Variants in ADAM9 observed in about 807,000 individuals in gnomAD.
The protein encoded by ADAM9 is disintegrin and metalloproteinase domain-containing protein 9.
In ADAM9, 54 loss-of-function variants were observed where a neutral mutation model predicts 108.1. The ratio of observed to expected loss-of-function variants is 0.50; its 90% CI spans 0.40 to 0.63. The LOEUF (loss-of-function observed/expected upper bound fraction) is 0.63. ADAM9 is among the 20% of genes least tolerant of loss of function. The pLI, the probability that ADAM9 is intolerant of heterozygous loss-of-function variation, is 0.00. For synonymous variants in ADAM9, 316 were observed against 336.0 expected, an observed-to-expected ratio of 0.94 and a Z score of 0.65; for missense variants, 830 against 997.7, an observed-to-expected ratio of 0.83 and a Z score of 2.26.
intron 7 of ADAM9, among the ~76,000 whole-genome samples, chr8:39,019,419 A>C (rs544205953): frequency 6.6e-6 from 1 of 152,210 alleles, no homozygotes; most frequent in Non-Finnish European, 1.5e-5. Flanking sequence ...TTCCTTATTT[A>C]TACTTAAGAA....
intron 6 of ADAM9, among the ~76,000 whole-genome samples, chr8:39,017,993 C>G (rs148635473): frequency 6.6e-6 from 1 of 152,306 alleles, no homozygotes; most frequent in Non-Finnish European, 1.5e-5. Context: ...AACTTAATGA[C>G]TTCAGATGTG....
chr8:39,004,988 A>G (rs1411973070), intron 1 of ADAM9, among the ~76,000 whole-genome samples: 1 of 152,162 alleles, frequency 6.6e-6, no homozygotes, highest in Non-Finnish European at 1.5e-5. Flanking sequence ...TCTGTGACTA[A>G]GAATGCCTAA....
intron 2 of ADAM9, among the ~76,000 whole-genome samples, chr8:39,009,359 C>T (rs1339809355): frequency 6.6e-6 from 1 of 152,224 alleles, no homozygotes; most frequent in African/African-American, 2.4e-5. Flanking sequence ...CGTGCCTCTG[C>T]CTCCTGAGTA....
rs146208883 is a variant in ADAM9, at chr8:39,045,570, G to GTATATATATATA, written c.1302+3460_1302+3471dup. On this transcript the variant is annotated intron_variant, in intron 12 of 21. Coordinates refer to ENST00000487273, the MANE Select transcript of ADAM9 (RefSeq NM_003816.3). ...TGTGTGTGTGTATATGTGTGTGTGTGTATATATATATATATATAAAAGATT... is the reference window on the plus strand; with the variant it reads ...TGTGTGTGTGTATATGTGTGTGTGTGTATATATATATATATATATATATATATATAAAAGATT... Among the ~76,000 whole-genome samples the GTATATATATATA allele has an allele frequency of 4.8e-4, 46 of 95,204 alleles. 1 individual carries two copies. Among genetic ancestry groups the GTATATATATATA allele is most frequent in the African/African-American group, 1.5e-3 (45 of 30,968 alleles). 62.5% of individuals were successfully genotyped at this position (95,204 alleles called of 152,430 possible). A position where few individuals can be genotyped will look rare whatever the true frequency, so the allele number is the denominator to read the frequency against.
At chr8:39,011,068 A>G in intron 2 of ADAM9, among the ~76,000 whole-genome samples, 1 of 147,552 alleles carries the variant, frequency 6.8e-6, no homozygotes, top group Non-Finnish European at 1.5e-5. Context: ...ATTCCAGACT[A>G]GGTGACAGAG....
intron 15 of ADAM9, among the ~76,000 whole-genome samples, chr8:39,076,435 T>G (rs1023214006): frequency 1.3e-5 from 2 of 152,164 alleles, no homozygotes; most frequent in Admixed American, 6.5e-5. Context: ...AAGAACGTGA[T>G]GGGAGCTAGA....
intron 20 of ADAM9, among the ~76,000 whole-genome samples, chr8:39,101,613 A>T (rs1208567822): frequency 6.6e-6 from 1 of 152,178 alleles, no homozygotes; most frequent in Non-Finnish European, 1.5e-5. Flanking sequence ...TATGAGGCCT[A>T]TATGAAACAT....
chr8:39,045,052 G>A (rs1301592224), intron 12 of ADAM9, among the ~76,000 whole-genome samples: 5 of 99,876 alleles, frequency 5.0e-5, no homozygotes, highest in Admixed American at 1.9e-4. Context: ...GTATGTGTAT[G>A]TGTGTGTGCA....
At chr8:39,012,058 T>C (rs151304446) in intron 3 of ADAM9, among the ~76,000 whole-genome samples, 105 of 152,358 alleles carry the variant, frequency 6.9e-4, no homozygotes, top group Non-Finnish European at 1.3e-3. Flanking sequence ...AGGCTACTTC[T>C]ATGCCTACTC....
At chr8:39,006,997 G>A (rs28579045) in intron 1 of ADAM9, among the ~76,000 whole-genome samples, 64,258 of 151,994 alleles carry the variant, frequency 0.42, 14,402 homozygotes, top group East Asian at 0.73. Flanking sequence ...GTCTTAGTCT[G>A]TGTTGCTATA....
chr8:39,061,809 G>A (rs1838308488), intron 14 of ADAM9, among the ~76,000 whole-genome samples: 1 of 152,092 alleles, frequency 6.6e-6, no homozygotes, highest in South Asian at 2.1e-4. Flanking sequence ...CCTCTTAAAG[G>A]TCCCACCTCT....
intron 18 of ADAM9, among the ~76,000 whole-genome samples, chr8:39,088,788 G>T (rs1355195631): frequency 7.2e-5 from 11 of 152,124 alleles, no homozygotes; most frequent in Non-Finnish European, 1.6e-4. Context: ...GTGGAGAAAA[G>T]CATAGTGCCA....
intron 11 of ADAM9, among the ~76,000 whole-genome samples, chr8:39,035,317 A>G (rs1837234754): frequency 6.6e-6 from 1 of 152,106 alleles, no homozygotes. Context: ...TGTAGATTTT[A>G]GTTTCCTGCC....
At chr8:39,044,880 A>G (rs112211653) in intron 12 of ADAM9, among the ~76,000 whole-genome samples, 7 of 137,690 alleles carry the variant, frequency 5.1e-5, no homozygotes, top group East Asian at 2.0e-4. Flanking sequence ...ACATACATAT[A>G]TATGTATATA....
At chr8:39,046,691 CT>C (rs1363386542) in intron 12 of ADAM9, among the ~76,000 whole-genome samples, 2 of 151,802 alleles carry the variant, frequency 1.3e-5, no homozygotes, top group Non-Finnish European at 2.9e-5. Flanking sequence ...TTATCAAGTG[CT>C]TTTTCTGTAT....
intron 11 of ADAM9, among the ~76,000 whole-genome samples, chr8:39,027,652 G>A (rs1836963965): frequency 6.6e-6 from 1 of 152,174 alleles, no homozygotes; most frequent in South Asian, 2.1e-4. Flanking sequence ...TTCTAATGCA[G>A]ATTCGTTGTA....
chr8:39,089,760 A>C (rs1839290186), intron 18 of ADAM9: 2 of 402,260 alleles, frequency 5.0e-6, no homozygotes, highest in Admixed American at 3.6e-5. Flanking sequence ...ATAGTATGCT[A>C]CCTTTTGTGT....
intron 9 of ADAM9, among the ~76,000 whole-genome samples, chr8:39,023,685 C>G (rs985236159): frequency 6.7e-6 from 1 of 149,738 alleles, no homozygotes; most frequent in Non-Finnish European, 1.5e-5. Context: ...TCTGATTACT[C>G]TAGGCCTAAG....
intron 21 of ADAM9, among the ~76,000 whole-genome samples, chr8:39,103,242 A>C (rs1419422227): frequency 1.3e-5 from 2 of 152,184 alleles, no homozygotes; most frequent in Admixed American, 1.3e-4. Context: ...ACCAGCAGTA[A>C]TTTGCTGCCC....
Sources: allele counts gnomAD v4.1 joint callset (sites outside exome capture counted in the v4.1 genomes callset), GRCh38; gene constraint gnomAD v4.1.1; transcripts MANE v1.5; gene names NCBI Gene and HGNC (gene_info 2026-07-23, HGNC 2026-07-21).